LRRTM4: variants seen among roughly 807,000 people sequenced by gnomAD.
LRRTM4 encodes leucine-rich repeat transmembrane neuronal protein 4.
LRRTM4 carries 25 observed loss-of-function variants against 47.6 expected under a neutral mutation model. The observed-to-expected ratio is 0.53, with a 90% CI of 0.38 to 0.73. The LOEUF (loss-of-function observed/expected upper bound fraction) is 0.73. Ranked by LOEUF, LRRTM4 falls within the 30% of genes least tolerant of loss-of-function variation. LRRTM4 has a pLI of 0.00. For missense variants in LRRTM4, 638 were observed against 713.4 expected (o/e 0.89, Z 1.20); for synonymous variants, 311 against 269.5 (o/e 1.15, Z -1.51).
intron 3 of LRRTM4, among the ~76,000 whole-genome samples, chr2:76,758,663 G>T (rs1003057378): frequency 6.6e-6 from 1 of 152,132 alleles, no homozygotes; most frequent in Non-Finnish European, 1.5e-5. Context: ...AATGTGTAAA[G>T]GTCTAGGTTA....
intron 3 of LRRTM4, among the ~76,000 whole-genome samples, chr2:77,391,906 A>T (rs547963465): frequency 6.6e-6 from 1 of 151,960 alleles, no homozygotes; most frequent in African/African-American, 2.4e-5. Context: ...CTCCAGCCTG[A>T]CTCTGGTACG....
chr2:77,428,389 T>C (rs191963385), intron 3 of LRRTM4, among the ~76,000 whole-genome samples: 39 of 152,340 alleles, frequency 2.6e-4, no homozygotes, highest in African/African-American at 8.9e-4. Context: ...CATATGGCAA[T>C]TACATAAATG....
At position 76,931,887 on chromosome 2, in the gene LRRTM4, A is replaced by G. The variant is rs79002099; in HGVS notation, c.1552-182971T>C. Among the ~76,000 whole-genome samples the G allele has an allele frequency of 8.6e-3, 1,310 of 152,266 alleles. 25 individuals carry two copies. Among genetic ancestry groups the G allele is most frequent in the African/African-American group, 0.029 (1,201 of 41,550 alleles). ...CTAAAAATTCCTACTAATAATTTCA[A>G]TATTATGATAGAGTGCATTAAGTTG... On this transcript the variant is annotated intron_variant, in intron 3 of 3. Coordinates refer to ENST00000409884, the MANE Select transcript of LRRTM4 (RefSeq NM_001134745.3).
At chr2:77,030,241 G>C (rs1678606118) in intron 3 of LRRTM4, among the ~76,000 whole-genome samples, 2 of 152,090 alleles carry the variant, frequency 1.3e-5, no homozygotes, top group Non-Finnish European at 2.9e-5. Context: ...GACCATCCTG[G>C]CTAACACAGT....
intron 3 of LRRTM4, among the ~76,000 whole-genome samples, chr2:76,807,408 G>GTATA (rs1217096293): frequency 4.5e-4 from 18 of 40,286 alleles, no homozygotes; most frequent in African/African-American, 1.0e-3. Flanking sequence ...ATGTATATAC[G>GTATA]TATATATATA....
chr2:77,056,915 A>C (rs1346833588), intron 3 of LRRTM4, among the ~76,000 whole-genome samples: 1 of 152,206 alleles, frequency 6.6e-6, no homozygotes, highest in African/African-American at 2.4e-5. Flanking sequence ...TCATACAGAC[A>C]AACTATAGTT....
At chr2:77,377,534 A>G (rs907979320) in intron 3 of LRRTM4, among the ~76,000 whole-genome samples, 1 of 151,916 alleles carries the variant, frequency 6.6e-6, no homozygotes, top group Non-Finnish European at 1.5e-5. Flanking sequence ...CTCTAGGTCA[A>G]TGTCAACTGT....
chr2:77,333,172 G>T (rs1671032926), intron 3 of LRRTM4, among the ~76,000 whole-genome samples: 1 of 152,134 alleles, frequency 6.6e-6, no homozygotes, highest in Non-Finnish European at 1.5e-5. Flanking sequence ...CACATCTTTT[G>T]TAAATTGCCC....
chr2:77,070,846 G>C (rs144959869), intron 3 of LRRTM4, among the ~76,000 whole-genome samples: 2,103 of 152,236 alleles, frequency 0.014, 34 homozygotes, highest in Non-Finnish European at 0.021. Context: ...GGCCAGGCTG[G>C]TCTCGAACTC....
At chr2:77,276,422 AAGAG>A (rs367765371) in intron 3 of LRRTM4, among the ~76,000 whole-genome samples, 109 of 149,898 alleles carry the variant, frequency 7.3e-4, no homozygotes, top group African/African-American at 2.5e-3. Context: ...GAAGGAGAAA[AAGAG>A]AGAAAGGAAG....
At position 76,943,149 on chromosome 2, in the gene LRRTM4, C is replaced by T. The variant is rs1436751900; in HGVS notation, c.1552-194233G>A. 2.6e-5 allele frequency among the ~76,000 whole-genome samples: 4 copies of T among 152,258 alleles called. No individual in the cohort carries two copies. The East Asian group carries it at 7.7e-4, about 29-fold the overall frequency. On this transcript the variant is annotated intron_variant, in intron 3 of 3. Coordinates refer to ENST00000409884, the MANE Select transcript of LRRTM4 (RefSeq NM_001134745.3). ...GGAAAGCTGTTAGAAAATACCAATC[C>T]CTGGAGCCTGAAATCTCCAAATCCT...
chr2:77,448,405 C>A (rs1403755103), intron 3 of LRRTM4, among the ~76,000 whole-genome samples: 7 of 152,130 alleles, frequency 4.6e-5, no homozygotes, highest in African/African-American at 1.4e-4. Context: ...TTAAATTATT[C>A]TTTTGCATAC....
intron 3 of LRRTM4, among the ~76,000 whole-genome samples, chr2:77,197,978 T>G (rs1049156782): frequency 3.9e-5 from 6 of 152,178 alleles, no homozygotes; most frequent in African/African-American, 1.4e-4. Flanking sequence ...GACAAAGAAA[T>G]AAACACACAC....
At chr2:76,906,187 A>G (rs1673831794) in intron 3 of LRRTM4, among the ~76,000 whole-genome samples, 1 of 152,202 alleles carries the variant, frequency 6.6e-6, no homozygotes, top group Admixed American at 6.5e-5. Flanking sequence ...CTGGGGGCCA[A>G]TATTCAACAT....
At chr2:76,838,098 TAATAA>T (rs1443791709) in intron 3 of LRRTM4, among the ~76,000 whole-genome samples, 112 of 137,200 alleles carry the variant, frequency 8.2e-4, no homozygotes, top group African/African-American at 2.7e-3. Context: ...ATAATAATAA[TAATAA>T]AAGAATGGAA....
At chr2:77,243,266 C>T (rs552537080) in intron 3 of LRRTM4, among the ~76,000 whole-genome samples, 8 of 151,680 alleles carry the variant, frequency 5.3e-5, no homozygotes, top group South Asian at 2.1e-4. Context: ...CAAAATTAGC[C>T]GGGTGTGGTG....
At chr2:77,020,537 A>AT (rs1678230952) in intron 3 of LRRTM4, among the ~76,000 whole-genome samples, 2 of 152,300 alleles carry the variant, frequency 1.3e-5, no homozygotes, top group South Asian at 2.1e-4. Context: ...AGAATAATCT[A>AT]TTTTTAAAAA....
intron 3 of LRRTM4, among the ~76,000 whole-genome samples, chr2:76,953,370 A>T (rs1455346888): frequency 6.6e-6 from 1 of 151,886 alleles, no homozygotes; most frequent in African/African-American, 2.4e-5. Context: ...GCAACCTCAA[A>T]GCCAAGAATA....
intron 3 of LRRTM4, among the ~76,000 whole-genome samples, chr2:77,362,185 G>GGAAGGAAGGAAGGAAGGAAGGA (rs1558707532): frequency 3.3e-5 from 5 of 151,530 alleles, no homozygotes; most frequent in African/African-American, 9.7e-5. Flanking sequence ...AAGGAAGGAA[G>GGAAGGAAGGAAGGAAGGAAGGA]AGTTCTTAAT....
Sources: allele counts gnomAD v4.1 joint callset (sites outside exome capture counted in the v4.1 genomes callset), GRCh38; gene constraint gnomAD v4.1.1; transcripts MANE v1.5; gene names NCBI Gene and HGNC (gene_info 2026-07-23, HGNC 2026-07-21).